Variants in SPAG17 observed in about 807,000 individuals in gnomAD.
SPAG17 encodes the protein sperm-associated antigen 17.
Under a neutral mutation model 273.6 loss-of-function variants are expected in SPAG17, and 169 were observed. That is an observed-to-expected ratio of 0.62 (90% CI 0.55 to 0.70). The LOEUF (loss-of-function observed/expected upper bound fraction) is 0.70, where lower values mean the gene tolerates loss of function less well. Ranked by LOEUF, SPAG17 falls within the 30% of genes least tolerant of loss-of-function variation. SPAG17 has a pLI of 0.00. For synonymous variants in SPAG17, 825 were observed against 873.2 expected (o/e 0.94, Z 0.97); for missense variants, 2,557 against 2,627.8 (o/e 0.97, Z 0.59).
At chr1:118,128,850 A>T (rs1395310723) in intron 3 of SPAG17, among the ~76,000 whole-genome samples, 1 of 152,186 alleles carries the variant, frequency 6.6e-6, no homozygotes, top group Admixed American at 6.5e-5. Flanking sequence ...CCTCTCTCTC[A>T]TTCAGCTCAT....
chr1:118,037,529 T>C (rs1649222057), intron 23 of SPAG17, among the ~76,000 whole-genome samples: 1 of 152,184 alleles, frequency 6.6e-6, no homozygotes. Flanking sequence ...TAGGCCCCAC[T>C]GTCTGTCATT....
chr1:118,056,386 C>G (rs1651676219), intron 18 of SPAG17, among the ~76,000 whole-genome samples: 1 of 152,142 alleles, frequency 6.6e-6, no homozygotes, highest in African/African-American at 2.4e-5. Flanking sequence ...ACCACTATAG[C>G]TTTGCTATGA....
chr1:118,040,347 A>G (rs1420731157), intron 22 of SPAG17, among the ~76,000 whole-genome samples: 1 of 152,168 alleles, frequency 6.6e-6, no homozygotes, highest in Non-Finnish European at 1.5e-5. Context: ...TGTGCTCCAG[A>G]GCTACACCAG....
intron 48 of SPAG17, among the ~76,000 whole-genome samples, chr1:117,956,693 C>G (rs1239483522): frequency 6.6e-6 from 1 of 152,054 alleles, no homozygotes; most frequent in Non-Finnish European, 1.5e-5. Flanking sequence ...AATAGTGTAG[C>G]ATTGGTGTCA....
intron 15 of SPAG17, 110 bp downstream of exon 15, chr1:118,080,991 C>G (rs573699539): frequency 1.2e-6 from 1 of 861,058 alleles, no homozygotes; most frequent in African/African-American, 1.7e-5. Flanking sequence ...TTTAATTAAC[C>G]AAATAACTTA....
At chr1:117,992,726 T>G (rs540155849) in intron 35 of SPAG17, 78 bp from the exon 36 acceptor site, 5 of 1,242,146 alleles carry the variant, frequency 4.0e-6, no homozygotes, top group Non-Finnish European at 5.4e-6. Context: ...AACTGTTCAT[T>G]TATTACATAG....
intron 1 of SPAG17, among the ~76,000 whole-genome samples, chr1:118,165,315 T>C (rs1558056941): frequency 6.6e-6 from 1 of 152,092 alleles, no homozygotes; most frequent in East Asian, 1.9e-4. Context: ...GAAGTCCCAC[T>C]TGGGCGCCCC....
chr1:118,131,090 CTTCCTTAGGATATAGA>C (rs1658029199), intron 3 of SPAG17, among the ~76,000 whole-genome samples: 1 of 152,236 alleles, frequency 6.6e-6, no homozygotes, highest in South Asian at 2.1e-4. Context: ...AGTTTAGACA[CTTCCTTAGGATATAGA>C]TTCCTTAGGA....
intron 21 of SPAG17, 82 bp from the exon 22 acceptor site, chr1:118,040,923 G>T (rs1649680708): frequency 4.5e-6 from 4 of 880,310 alleles, no homozygotes; most frequent in South Asian, 2.8e-5. Context: ...AACTAAAGTT[G>T]CCAGAAGCTT....
intron 7 of SPAG17, among the ~76,000 whole-genome samples, chr1:118,095,541 C>T (rs2102203001): frequency 6.6e-6 from 1 of 152,130 alleles, no homozygotes; most frequent in Admixed American, 6.5e-5. Flanking sequence ...AGGCCTTGGC[C>T]CAAATGAGAG....
intron 8 of SPAG17, among the ~76,000 whole-genome samples, chr1:118,092,229 G>A (rs1478276604): frequency 6.6e-6 from 1 of 152,178 alleles, no homozygotes; most frequent in Non-Finnish European, 1.5e-5. Flanking sequence ...AACCCACTGA[G>A]CAATTGTGGA....
intron 44 of SPAG17, 142 bp from the exon 45 acceptor site, chr1:117,972,189 A>G (rs941469326): frequency 2.7e-6 from 2 of 743,116 alleles, no homozygotes; most frequent in Admixed American, 6.0e-5. Context: ...CATCCTTACA[A>G]CAGTCCTGTG....
rs534598591 is a variant in SPAG17, at chr1:118,115,815, C to T, written c.316-374G>A. ...TCTATTGTTTGGCATAGCCAGTAGT[C>T]CAAACTGTCAAACTTTGACTTATTA... On this transcript the variant is annotated intron_variant, in intron 3 of 48. Coordinates refer to ENST00000336338, the MANE Select transcript of SPAG17 (RefSeq NM_206996.4). Among the ~76,000 whole-genome samples the T allele has an allele frequency of 1.0e-3, 159 of 152,254 alleles. 2 individuals are homozygous for T. Among genetic ancestry groups the T allele is most frequent in the African/African-American group, 3.6e-3 (151 of 41,554 alleles).
At chr1:117,961,126 AC>A (rs1481216209) in intron 48 of SPAG17, 2 of 152,214 alleles carry the variant, frequency 1.3e-5, no homozygotes, top group Admixed American at 1.3e-4. Context: ...TACTAAAAAT[AC>A]AAAAAACTAG....
intron 6 of SPAG17, among the ~76,000 whole-genome samples, chr1:118,099,023 A>G (rs919873007): frequency 6.6e-6 from 1 of 152,186 alleles, no homozygotes; most frequent in Non-Finnish European, 1.5e-5. Flanking sequence ...TAAAGTATAC[A>G]GTGGCTTTTT....
chr1:118,161,610 A>T (rs913192995), intron 1 of SPAG17, among the ~76,000 whole-genome samples: 18 of 151,730 alleles, frequency 1.2e-4, no homozygotes, highest in South Asian at 6.3e-4. Flanking sequence ...GGATCTCGGC[A>T]CACTGCAAGC....
chr1:118,169,109 C>T (rs12127351), intron 1 of SPAG17, among the ~76,000 whole-genome samples: 10,225 of 152,218 alleles, frequency 0.067, 500 homozygotes, highest in East Asian at 0.26. Flanking sequence ...CAAACTCATA[C>T]TGGCAACACT....
intron 46 of SPAG17, among the ~76,000 whole-genome samples, chr1:117,968,786 C>A (rs780638408): frequency 2.6e-5 from 4 of 152,198 alleles, no homozygotes; most frequent in Non-Finnish European, 5.9e-5. Context: ...GTTAACAGGA[C>A]TGGATACTTT....
intron 43 of SPAG17, among the ~76,000 whole-genome samples, chr1:117,973,898 C>A (rs1355479191): frequency 6.6e-6 from 1 of 152,118 alleles, no homozygotes; most frequent in African/African-American, 2.4e-5. Context: ...AGATTTAGCT[C>A]CTACTGAAGT....
Sources: allele counts gnomAD v4.1 joint callset (sites outside exome capture counted in the v4.1 genomes callset), GRCh38; gene constraint gnomAD v4.1.1; transcripts MANE v1.5; gene names NCBI Gene and HGNC (gene_info 2026-07-23, HGNC 2026-07-21).